The following SLCO6A1 variants were observed in gnomAD, a reference collection of about 807,000 sequenced individuals.
The protein encoded by SLCO6A1 is cancer/testis antigen 48.
Under a neutral mutation model 72.7 loss-of-function variants are expected in SLCO6A1, and 65 were observed. The ratio of observed to expected loss-of-function variants is 0.89; its 90% CI spans 0.73 to 1.10. The LOEUF is 1.10. SLCO6A1 is among the 50% of genes least tolerant of loss of function. The probability of loss-of-function intolerance (pLI) is 0.00; values close to 1 mark genes in which losing one functional copy is unlikely to be tolerated. For missense variants in SLCO6A1, 874 were observed against 872.6 expected (o/e 1.00, Z -0.02); for synonymous variants, 314 against 298.2 (o/e 1.05, Z -0.55).
At chr5:102,465,073 G>A (rs1438968591) in intron 4 of SLCO6A1, among the ~76,000 whole-genome samples, 1 of 152,072 alleles carries the variant, frequency 6.6e-6, no homozygotes, top group Admixed American at 6.6e-5. Flanking sequence ...CAATTATTGG[G>A]TTATAATAAT....
chr5:102,418,037 C>T (rs1748385370), intron 8 of SLCO6A1, among the ~76,000 whole-genome samples: 1 of 151,628 alleles, frequency 6.6e-6, no homozygotes, highest in Non-Finnish European at 1.5e-5. Context: ...AATTATTTCT[C>T]CTTCATTTTT....
intron 1 of SLCO6A1, among the ~76,000 whole-genome samples, chr5:102,484,600 A>C (rs1752358320): frequency 6.6e-6 from 1 of 152,048 alleles, no homozygotes; most frequent in African/African-American, 2.4e-5. Flanking sequence ...ACAGTGAGCC[A>C]AGATTGCGCC....
At chr5:102,413,664 G>A (rs1237142392) in intron 8 of SLCO6A1, among the ~76,000 whole-genome samples, 5 of 152,096 alleles carry the variant, frequency 3.3e-5, no homozygotes, top group Non-Finnish European at 7.4e-5. Flanking sequence ...TGCAGTAGGT[G>A]TTCACTTAAC....
At chr5:102,443,977 T>G (rs1180234519) in intron 6 of SLCO6A1, among the ~76,000 whole-genome samples, 1 of 152,162 alleles carries the variant, frequency 6.6e-6, no homozygotes, top group Non-Finnish European at 1.5e-5. Flanking sequence ...TAGCCCTTGT[T>G]AATCACAGAA....
intron 10 of SLCO6A1, among the ~76,000 whole-genome samples, chr5:102,394,216 G>A (rs1200381709): frequency 1.3e-5 from 2 of 152,108 alleles, no homozygotes; most frequent in African/African-American, 2.4e-5. Flanking sequence ...GCATTGACCT[G>A]TTGCAAATCA....
At chr5:102,450,950 G>A (rs1750382682) in intron 6 of SLCO6A1, among the ~76,000 whole-genome samples, 1 of 152,170 alleles carries the variant, frequency 6.6e-6, no homozygotes, top group Non-Finnish European at 1.5e-5. Context: ...CAGCAGCAAG[G>A]GCAGAGGGGC....
intron 1 of SLCO6A1, among the ~76,000 whole-genome samples, chr5:102,490,869 T>C (rs1409881577): frequency 6.6e-6 from 1 of 152,162 alleles, no homozygotes; most frequent in Non-Finnish European, 1.5e-5. Context: ...TAGGATTTAC[T>C]GCAGAGAGCG....
intron 3 of SLCO6A1, among the ~76,000 whole-genome samples, chr5:102,477,387 G>T (rs934563042): frequency 5.9e-5 from 9 of 152,058 alleles, no homozygotes; most frequent in Non-Finnish European, 1.0e-4. Context: ...GCCTCTCAAA[G>T]TTCTAGGATT....
intron 6 of SLCO6A1, among the ~76,000 whole-genome samples, chr5:102,446,823 C>T (rs921350823): frequency 2.0e-5 from 3 of 152,124 alleles, no homozygotes; most frequent in African/African-American, 7.2e-5. Flanking sequence ...GGAGCGATCT[C>T]GGCTCACCGC....
intron 9 of SLCO6A1, among the ~76,000 whole-genome samples, chr5:102,406,339 C>G (rs1293710285): frequency 4.6e-5 from 7 of 151,896 alleles, no homozygotes; most frequent in Non-Finnish European, 1.0e-4. Context: ...ATGCAAAATA[C>G]ACTTCAAGAA....
intron 12 of SLCO6A1, among the ~76,000 whole-genome samples, chr5:102,378,972 G>C (rs1054691450): frequency 6.6e-6 from 1 of 151,894 alleles, no homozygotes. Context: ...GTAGAGATGG[G>C]GTTTCACCAT....
At chr5:102,457,578 C>T (rs945596661) in intron 6 of SLCO6A1, among the ~76,000 whole-genome samples, 8 of 152,230 alleles carry the variant, frequency 5.3e-5, no homozygotes, top group East Asian at 1.9e-4. Flanking sequence ...GTTAGAATGG[C>T]GATCATTAAA....
intron 12 of SLCO6A1, among the ~76,000 whole-genome samples, chr5:102,386,596 G>T (rs78967500): frequency 0.018 from 2,730 of 152,154 alleles, 77 homozygotes; most frequent in African/African-American, 0.062. Context: ...TATCAGCCTG[G>T]TGCCTCAGGC....
At chr5:102,394,642 A>G (rs1746961322) in intron 10 of SLCO6A1, among the ~76,000 whole-genome samples, 1 of 152,156 alleles carries the variant, frequency 6.6e-6, no homozygotes, top group Admixed American at 6.5e-5. Context: ...ACTGTAAAAA[A>G]TAAATAGAGA....
chr5:102,479,254 G>T (rs1304651070), intron 2 of SLCO6A1, among the ~76,000 whole-genome samples: 1 of 152,114 alleles, frequency 6.6e-6, no homozygotes, highest in Non-Finnish European at 1.5e-5. Flanking sequence ...GCTACAATGT[G>T]AAGATAGGCT....
chr5:102,498,464 C>G, intron 1 of SLCO6A1, 23 bp downstream of exon 1: 1 of 1,598,424 alleles, frequency 6.3e-7, no homozygotes, highest in Non-Finnish European at 8.5e-7. Context: ...CTCGCCACAA[C>G]AAACCGCCTC....
chr5:102,479,018 GCACTGTACTC>G (rs1419105583), intron 2 of SLCO6A1, among the ~76,000 whole-genome samples: 5 of 152,042 alleles, frequency 3.3e-5, no homozygotes, highest in African/African-American at 1.2e-4. Flanking sequence ...TTCCTGTTAT[GCACTGTACTC>G]CACCTACCTT....
intron 12 of SLCO6A1, among the ~76,000 whole-genome samples, chr5:102,382,756 A>T (rs931256221): frequency 6.6e-6 from 1 of 150,842 alleles, no homozygotes; most frequent in Non-Finnish European, 1.5e-5. Flanking sequence ...ATAAATGGGA[A>T]TTTTTTTTGA....
chr5:102,460,696 G>A (rs1487784817), intron 4 of SLCO6A1, among the ~76,000 whole-genome samples: 1 of 151,862 alleles, frequency 6.6e-6, no homozygotes, highest in East Asian at 1.9e-4. Flanking sequence ...TTTTGGAAGT[G>A]CTGGTTTTTC....
Sources: allele counts gnomAD v4.1 joint callset (sites outside exome capture counted in the v4.1 genomes callset), GRCh38; gene constraint gnomAD v4.1.1; transcripts MANE v1.5; gene names NCBI Gene and HGNC (gene_info 2026-07-23, HGNC 2026-07-21).